Variants in GRID2 observed in about 807,000 individuals in gnomAD.
GRID2 encodes glutamate ionotropic receptor delta type subunit 2, also known as glutamate receptor ionotropic, delta-2.
GRID2 carries 33 observed loss-of-function variants against 114.8 expected under a neutral mutation model. That is an observed-to-expected ratio of 0.29 (90% CI 0.22 to 0.38). The LOEUF (loss-of-function observed/expected upper bound fraction) is 0.38. Among genes scored for constraint, GRID2 ranks in the 10% least tolerant of loss-of-function variants. The pLI is 1.00. For synonymous variants in GRID2, 505 were observed against 449.9 expected, an observed-to-expected ratio of 1.12 and a Z score of -1.55; for missense variants, 1,184 against 1,257.7, an observed-to-expected ratio of 0.94 and a Z score of 0.89.
At chr4:93,439,878 ATCTC>A (rs1186914070) in intron 10 of GRID2, among the ~76,000 whole-genome samples, 2 of 152,036 alleles carry the variant, frequency 1.3e-5, no homozygotes, top group Admixed American at 6.6e-5. Context: ...AGTCGAGCCT[ATCTC>A]TCTATGCCAG....
chr4:93,324,200 T>G (rs1298000605), intron 8 of GRID2, among the ~76,000 whole-genome samples: 2 of 152,182 alleles, frequency 1.3e-5, no homozygotes, highest in Non-Finnish European at 2.9e-5. Context: ...TAAATAGCTC[T>G]TATTATTTTT....
At chr4:93,466,394 A>G (rs1359395671) in intron 11 of GRID2, among the ~76,000 whole-genome samples, 1 of 152,172 alleles carries the variant, frequency 6.6e-6, no homozygotes, top group Non-Finnish European at 1.5e-5. Context: ...AAACAGCTTT[A>G]TTGAAGAGGC....
chr4:92,485,300 G>GTA (rs1560662720), intron 1 of GRID2, among the ~76,000 whole-genome samples: 4 of 35,148 alleles, frequency 1.1e-4, no homozygotes, highest in Non-Finnish European at 2.0e-4. Flanking sequence ...TAAGGTGTGT[G>GTA]CATATATATA....
chr4:93,670,094 T>G (rs62319363), intron 14 of GRID2, among the ~76,000 whole-genome samples: 1 of 152,202 alleles, frequency 6.6e-6, no homozygotes, highest in Non-Finnish European at 1.5e-5. Flanking sequence ...TAGTAAAGTA[T>G]GGCAAAAAGC....
chr4:93,357,841 T>C (rs1364395626), intron 8 of GRID2, among the ~76,000 whole-genome samples: 1 of 151,746 alleles, frequency 6.6e-6, no homozygotes, highest in Non-Finnish European at 1.5e-5. Context: ...CCTTTTTGTA[T>C]AATAAAAATT....
intron 1 of GRID2, among the ~76,000 whole-genome samples, chr4:92,582,022 A>C (rs1728206956): frequency 6.6e-6 from 1 of 151,950 alleles, no homozygotes; most frequent in Non-Finnish European, 1.5e-5. Context: ...TGGTGGGTGG[A>C]ATGGAAGTTA....
intron 2 of GRID2, among the ~76,000 whole-genome samples, chr4:92,854,539 TTGTG>T (rs568279926): frequency 2.0e-5 from 3 of 151,472 alleles, no homozygotes; most frequent in South Asian, 4.2e-4. Context: ...TGATGTGTGT[TTGTG>T]TGAGTGAGGA....
At chr4:93,114,694 T>C (rs1311279235) in intron 4 of GRID2, among the ~76,000 whole-genome samples, 1 of 152,118 alleles carries the variant, frequency 6.6e-6, no homozygotes, top group Non-Finnish European at 1.5e-5. Context: ...ACCTCCTCGA[T>C]GGGTTCTAGG....
At chr4:93,161,660 A>G (rs1053375976) in intron 4 of GRID2, among the ~76,000 whole-genome samples, 16 of 151,512 alleles carry the variant, frequency 1.1e-4, no homozygotes, top group Admixed American at 3.3e-4. Flanking sequence ...TTTTCAGGGT[A>G]AAAAAAATAA....
rs148658767 is a variant in GRID2 at position 93,210,356 on chromosome 4, C to T, written c.789+2899C>T. 7.8e-3 allele frequency among the ~76,000 whole-genome samples: 1,181 copies of T among 152,158 alleles called. 13 individuals carry two copies. The highest frequency in any genetic ancestry group is 0.027 in the African/African-American group (1,115 of 41,538). ...TTATTAAAGGAAAGCGTCCTTTCCCCATTGCTTATTGTTGTCAGCTTTCTC... is the reference window on the plus strand; with the variant it reads ...TTATTAAAGGAAAGCGTCCTTTCCCTATTGCTTATTGTTGTCAGCTTTCTC... On this transcript the variant is annotated intron_variant, in intron 5 of 15. Coordinates refer to ENST00000282020, the MANE Select transcript of GRID2 (RefSeq NM_001510.4).
chr4:93,321,508 A>G (rs1349292384), intron 8 of GRID2, among the ~76,000 whole-genome samples: 1 of 152,114 alleles, frequency 6.6e-6, no homozygotes, highest in Non-Finnish European at 1.5e-5. Flanking sequence ...GTAGAGTTTG[A>G]TGTATTTGCA....
In GRID2 at chr4:93,550,151, T is replaced by A. The variant is rs529658798; in HGVS notation, c.2193+34740T>A. On this transcript the variant is annotated intron_variant, in intron 13 of 15. Coordinates refer to ENST00000282020, the MANE Select transcript of GRID2 (RefSeq NM_001510.4). ...CAGGGGTGTCACTAGTCTGGTCACCTACCTAGACTGGCTCTGAACTCCTGG... is the reference window on the plus strand; with the variant it reads ...CAGGGGTGTCACTAGTCTGGTCACCAACCTAGACTGGCTCTGAACTCCTGG... Among the ~76,000 whole-genome samples, 77 of 152,278 alleles carry A rather than the reference T, an allele frequency of 5.1e-4. 1 individual carries two copies. The highest frequency in any genetic ancestry group is 8.8e-4 in the Non-Finnish European group (60 of 68,030).
intron 2 of GRID2, among the ~76,000 whole-genome samples, chr4:92,851,313 G>T (rs891047758): frequency 2.0e-5 from 3 of 151,756 alleles, no homozygotes; most frequent in African/African-American, 7.3e-5. Context: ...ATATGACATG[G>T]TAATTTGACC....
chr4:93,711,143 T>C (rs1478931313), intron 14 of GRID2, among the ~76,000 whole-genome samples: 1 of 151,424 alleles, frequency 6.6e-6, no homozygotes, highest in African/African-American at 2.4e-5. Flanking sequence ...GTAGAAGGAG[T>C]CTATTTTCAT....
intron 2 of GRID2, among the ~76,000 whole-genome samples, chr4:93,026,112 A>G (rs979972176): frequency 1.3e-5 from 2 of 151,794 alleles, no homozygotes; most frequent in African/African-American, 4.8e-5. Flanking sequence ...TTTTTGACTA[A>G]CAAACTGTAA....
chr4:93,160,704 G>T (rs1737611427), intron 4 of GRID2, among the ~76,000 whole-genome samples: 1 of 151,762 alleles, frequency 6.6e-6, no homozygotes, highest in African/African-American at 2.4e-5. Flanking sequence ...GGTTCATTCT[G>T]TATCGTGTAG....
At chr4:92,370,133 A>G (rs988126660) in intron 1 of GRID2, among the ~76,000 whole-genome samples, 1 of 152,160 alleles carries the variant, frequency 6.6e-6, no homozygotes, top group Non-Finnish European at 1.5e-5. Context: ...AATTTTCTCA[A>G]TATTTCAAAC....
chr4:93,359,940 C>T (rs79903603), intron 8 of GRID2, among the ~76,000 whole-genome samples: 6,331 of 130,016 alleles, frequency 0.049, 187 homozygotes, highest in South Asian at 0.079. Flanking sequence ...TTTGAAGCAT[C>T]ACTTCTTTTA....
chr4:92,367,370 A>G, intron 1 of GRID2, among the ~76,000 whole-genome samples: 1 of 152,054 alleles, frequency 6.6e-6, no homozygotes, highest in East Asian at 1.9e-4. Flanking sequence ...AAATCAATGG[A>G]TGGATGTTGA....
Sources: allele counts gnomAD v4.1 joint callset (sites outside exome capture counted in the v4.1 genomes callset), GRCh38; gene constraint gnomAD v4.1.1; transcripts MANE v1.5; gene names NCBI Gene and HGNC (gene_info 2026-07-23, HGNC 2026-07-21).